BMP1: variants seen among roughly 807,000 people sequenced by gnomAD.
BMP1 encodes the protein bone morphogenetic protein 1.
A neutral mutation model predicts 116.8 loss-of-function variants in BMP1; 63 were observed. The ratio of observed to expected loss-of-function variants is 0.54; its 90% CI spans 0.44 to 0.67. The LOEUF (loss-of-function observed/expected upper bound fraction) is 0.67. Among genes scored for constraint, BMP1 ranks in the 30% least tolerant of loss-of-function variants. The pLI is 0.00. For synonymous variants in BMP1, 536 were observed against 533.4 expected (o/e 1.00, Z -0.07); for missense variants, 1,183 against 1,358.9 (o/e 0.87, Z 2.04).
At chr8:22,205,984 G>T (rs1389042704) in intron 16 of BMP1, among the ~76,000 whole-genome samples, 3 of 152,172 alleles carry the variant, frequency 2.0e-5, no homozygotes, top group African/African-American at 7.2e-5. Context: ...GAGGGTAGCA[G>T]GAGTGGGGGT....
rs978537897 is a variant in BMP1 at position 22,179,064 on chromosome 8, G to A, written c.837-641G>A. Reference sequence around the variant, plus strand: ...CTGGGTGTGAGTCAGGGGCCCTGGGGAGGTGGAGGGCTGCCTGCCTCCCCT... The same window carrying A: ...CTGGGTGTGAGTCAGGGGCCCTGGGAAGGTGGAGGGCTGCCTGCCTCCCCT... On this transcript the variant is annotated intron_variant, in intron 6 of 19. Coordinates refer to ENST00000306385, the MANE Select transcript of BMP1 (RefSeq NM_006129.5). This position sits in a 1 kb window ranked among gnomAD's most constrained non-coding sequence, Gnocchi z 4.6. Among the ~76,000 whole-genome samples, 1 of 152,186 alleles carries A rather than the reference G, an allele frequency of 6.6e-6. No individual in the cohort carries two copies. Among genetic ancestry groups the A allele is most frequent in the Non-Finnish European group, 1.5e-5 (1 of 68,014 alleles).
At chr8:22,196,396 C>G (rs956067529) in intron 13 of BMP1, 1 of 597,346 alleles carries the variant, frequency 1.7e-6, no homozygotes, top group African/African-American at 1.8e-5. Flanking sequence ...TATTCCCGCT[C>G]ACTCCCTCTT....
chr8:22,196,198 G>A (rs1829081983), intron 13 of BMP1: 1 of 523,624 alleles, frequency 1.9e-6, no homozygotes, highest in Non-Finnish European at 3.8e-6. Context: ...TGATCTACAG[G>A]TTGGGAAACC....
intron 8 of BMP1, among the ~76,000 whole-genome samples, chr8:22,188,643 C>T (rs559411046): frequency 2.0e-5 from 3 of 152,376 alleles, no homozygotes; most frequent in African/African-American, 7.2e-5. Flanking sequence ...CTTAATTTGA[C>T]ACCTCTGGTC....
chr8:22,206,934 G>T lies in BMP1; in HGVS notation c.2314G>T (p.Glu772Ter). ...NWPDKYPSKK[E>*]CTWAISSTPG... Reference sequence around the variant, plus strand: ...GCCTGACAAGTATCCCAGCAAGAAGGAGTGCACGTGGGCCATCTCCAGCAC... The same window carrying T: ...GCCTGACAAGTATCCCAGCAAGAAGTAGTGCACGTGGGCCATCTCCAGCAC... The change falls in exon 17 of 20, where the codon GAG (glutamate) becomes TAG (stop). Residue 772 changes from glutamate to a stop codon, truncating the protein, a stop_gained. Transcript: ENST00000306385. LOFTEE classifies it high-confidence loss of function. 1.2e-6 allele frequency: 2 copies of T among 1,614,218 alleles called. No individual in the cohort carries two copies. The highest frequency in any genetic ancestry group is 1.7e-6 in the Non-Finnish European group (2 of 1,180,030).
Position 22,179,309 on chromosome 8 carries a change from C to A in BMP1, c.837-396C>A, listed in dbSNP as rs1828543836. ...AGTCCTGGGAGAAGTTTAGTTAGGGCTGGAGCAGCATGAGGGGCTGCAGAA... is the reference window on the plus strand; with the variant it reads ...AGTCCTGGGAGAAGTTTAGTTAGGGATGGAGCAGCATGAGGGGCTGCAGAA... On this transcript the variant is annotated intron_variant, in intron 6 of 19. Coordinates refer to ENST00000306385, the MANE Select transcript of BMP1 (RefSeq NM_006129.5). This position sits in a 1 kb window ranked among gnomAD's most constrained non-coding sequence, Gnocchi z 4.6. Among the ~76,000 whole-genome samples, 1 of 152,206 alleles carries A rather than the reference C, an allele frequency of 6.6e-6. No individual in the cohort carries two copies. The highest frequency in any genetic ancestry group is 2.1e-4 in the South Asian group (1 of 4,828).
intron 15 of BMP1, among the ~76,000 whole-genome samples, chr8:22,200,143 A>C (rs1829216934): frequency 6.6e-6 from 1 of 152,168 alleles, no homozygotes; most frequent in South Asian, 2.1e-4. Context: ...CCATCCTCCA[A>C]GTGACCACAG....
rs762517413 is a variant in BMP1, at chr8:22,201,886, A to G, written c.2191A>G (p.Ser731Gly). The change falls in exon 16 of 20, where the codon AGT becomes GGT. Residue 731 changes from serine to glycine, a missense_variant. Ser to Gly is a moderately conservative substitution (Grantham distance 56, BLOSUM62 0). Transcript: ENST00000306385. ...CGGCAGTTATGAGTGCCAATGCCGC[A>G]GTGGCTTCGTCCTCCATGACAACAA... ...TFGSYECQCR[S>G]GFVLHDNKHD... 5.0e-6 allele frequency: 8 copies of G among 1,613,720 alleles called. No individual in the cohort carries two copies. The highest frequency in any genetic ancestry group is 6.8e-6 in the Non-Finnish European group (8 of 1,179,966).
chr8:22,204,621 G>A (rs1036496935), intron 16 of BMP1, among the ~76,000 whole-genome samples: 2 of 152,192 alleles, frequency 1.3e-5, no homozygotes, highest in East Asian at 3.9e-4. Context: ...TGCTTGGGAG[G>A]CTGAGGCACA....
rs1476177459 is a variant in BMP1, at chr8:22,209,581, C to T, written c.2712C>T (p.Leu904=). 1.2e-6 allele frequency: 2 copies of T among 1,614,190 alleles called. No homozygotes were observed. The highest frequency in any genetic ancestry group is 3.3e-5 in the Admixed American group (2 of 60,030). The change falls in exon 19 of 20, where the codon CTC becomes CTT. Residue 904 remains leucine, a synonymous_variant. Transcript: ENST00000306385. ...IVAEEGYGVE[L]VFQTFEVEEE... ...CCGAGGAAGGCTACGGCGTGGAGCT[C>T]GTGTTCCAGACCTTTGAGGTGGAGG...
intron 8 of BMP1, among the ~76,000 whole-genome samples, chr8:22,186,841 G>A (rs986672671): frequency 1.3e-5 from 2 of 152,084 alleles, no homozygotes; most frequent in Admixed American, 6.5e-5. Context: ...TCTGCTAACC[G>A]TGATTCCCTT....
At chr8:22,177,777 C>A in intron 5 of BMP1, 75 bp from the exon 6 acceptor site, 1 of 1,147,790 alleles carries the variant, frequency 8.7e-7, no homozygotes, top group Non-Finnish European at 1.3e-6. Flanking sequence ...ATTCCCTGCC[C>A]TGGAAAGTGA....
intron 1 of BMP1, among the ~76,000 whole-genome samples, chr8:22,168,555 C>T (rs538702354): frequency 3.6e-4 from 55 of 152,326 alleles, no homozygotes; most frequent in Admixed American, 2.3e-3. Flanking sequence ...CCTCATCTGA[C>T]AGCCCAGAGT....
chr8:22,197,197 G>C, intron 14 of BMP1, 43 bp from the exon 15 acceptor site: 2 of 1,590,238 alleles, frequency 1.3e-6, no homozygotes, highest in Non-Finnish European at 1.7e-6. Context: ...AGTCAAGAGA[G>C]GCTTCCTGGA....
At chr8:22,209,810 T>G (rs1283378288) in intron 19 of BMP1, 115 bp downstream of exon 19, 1 of 1,205,700 alleles carries the variant, frequency 8.3e-7, no homozygotes, top group Non-Finnish European at 1.2e-6. Flanking sequence ...GGAAGTTGAG[T>G]GCAGCACGCG....
rs374904129 is a variant in BMP1, at chr8:22,196,752, C to G, written c.1838C>G (p.Pro613Arg). The change falls in exon 14 of 20, where the codon CCC (proline) becomes CGC (arginine). Residue 613 changes from proline to arginine, a missense_variant. By Grantham distance (103) the Pro-to-Arg change is moderately radical. Transcript: ENST00000306385. Reference sequence around the variant, plus strand: ...CCGGGCTGGCCCAAGGAGTACCCCCCCAACAAGAACTGCATCTGGCAGCTG... The same window carrying G: ...CCGGGCTGGCCCAAGGAGTACCCCCGCAACAAGAACTGCATCTGGCAGCTG... The part of the protein sequence containing the change: ...TSPGWPKEYP[P>R]NKNCIWQLVA... 3.3e-5 allele frequency: 53 copies of G among 1,614,006 alleles called. No homozygotes were observed. The highest frequency in any genetic ancestry group is 4.0e-5 in the Non-Finnish European group (47 of 1,180,026).
chr8:22,195,083 C>G (rs1322366481), intron 12 of BMP1, among the ~76,000 whole-genome samples, 164 bp downstream of exon 12: 1 of 152,106 alleles, frequency 6.6e-6, no homozygotes, highest in Non-Finnish European at 1.5e-5. Flanking sequence ...AAGAGGTCCC[C>G]CAATGTGGAT....
chr8:22,180,058 C>A (rs73549584), intron 7 of BMP1, among the ~76,000 whole-genome samples: 72 of 152,140 alleles, frequency 4.7e-4, no homozygotes, highest in Admixed American at 1.5e-3. Flanking sequence ...TCTGTAGGGG[C>A]GGAAGTGGGG....
At chr8:22,177,816 T>A in intron 5 of BMP1, 36 bp from the exon 6 acceptor site, 224 of 1,245,590 alleles carry the variant, frequency 1.8e-4, no homozygotes, top group Non-Finnish European at 2.4e-4. Context: ...ACCCACCCCC[T>A]CCTCTCCCCC....
Sources: gnomAD v4.1 joint callset for allele counts (sites outside exome capture counted in the v4.1 genomes callset) on GRCh38, gnomAD v4.1.1 for gene constraint, Gnocchi (gnomAD v3.1) non-coding constraint, MANE v1.5 for transcripts, NCBI Gene and HGNC (gene_info 2026-07-23, HGNC 2026-07-21) for gene names.